Variants in DACT2 observed in about 807,000 individuals in gnomAD.
DACT2 encodes the protein dishevelled binding antagonist of beta catenin 2.
DACT2 carries 20 observed loss-of-function variants against 22.2 expected under a neutral mutation model. The observed-to-expected ratio is 0.90, with a 90% confidence interval of 0.63 to 1.31. The LOEUF is 1.31. DACT2 is among the 50% of genes most tolerant of loss of function. The pLI, the probability that DACT2 is intolerant of heterozygous loss-of-function variation, is 0.00. For missense variants in DACT2, 1,048 were observed against 1,061.4 expected (o/e 0.99, Z 0.18); for synonymous variants, 463 against 479.8 (o/e 0.96, Z 0.46).
At chr6:168,315,283 C>G (rs1305432223) in intron 1 of DACT2, among the ~76,000 whole-genome samples, 1 of 152,196 alleles carries the variant, frequency 6.6e-6, no homozygotes, top group Non-Finnish European at 1.5e-5. Context: ...GGTTTTCAGT[C>G]TACTCATGGG....
chr6:168,307,616 T>C lies in DACT2; in HGVS notation c.2141A>G (p.Asp714Gly). ...GGCCGCCACATAGCCCAGTGCCAGG[T>C]CACAGTCCCTGCTCTGGGCGCCGCC... ...EEGGAQSRDC[D>G]LALGYVAAGH... The change falls in exon 4 of 4, where the codon GAC (aspartate) becomes GGC (glycine). Residue 714 changes from aspartate (D) to glycine (G), a missense_variant. Physicochemically the swap from Asp to Gly is moderately conservative, Grantham distance 94. Coordinates refer to ENST00000366795, the MANE Select transcript of DACT2 (RefSeq NM_214462.5). This position sits in a 1 kb window ranked among gnomAD's most constrained non-coding sequence, Gnocchi z 5.3. 1 of 1,548,186 alleles carries C rather than the reference T, an allele frequency of 6.5e-7. No homozygotes were observed. The highest frequency in any genetic ancestry group is 1.2e-5 in the South Asian group (1 of 83,758).
rs1779321755 is a variant in DACT2 at position 168,309,116 on chromosome 6, G to A, written c.659-18C>T. On this transcript the variant is annotated intron_variant, in intron 3 of 3. Transcript: ENST00000366795. Reference sequence around the variant, plus strand: ...AAGATCACCTGGGAGCGAGAAAAATGAACAAACACGTAACTACGGAGACGA... The same window carrying A: ...AAGATCACCTGGGAGCGAGAAAAATAAACAAACACGTAACTACGGAGACGA... The A allele has an allele frequency of 6.7e-7, 1 of 1,497,574 alleles. No homozygotes were observed. The highest frequency in any genetic ancestry group is 8.9e-7 in the Non-Finnish European group (1 of 1,125,450). 92.8% of individuals were successfully genotyped at this position (1,497,574 alleles called of 1,614,324 possible). A position where few individuals can be genotyped will look rare whatever the true frequency, so the allele number is the denominator to read the frequency against.
rs1485916074 is a variant in DACT2, at chr6:168,308,599, C to T, written c.1158G>A (p.Arg386=). ...TCTGAGCTGGCCCTCCCTCGTCCTC[C>T]CTCCCTGGGGCGAAGACCAGCAGTC... ...GGRLLVFAPG[R]EDEGGPAQSR... Residue 386 remains arginine (R), a synonymous_variant, in exon 4 of 4, where the codon AGG becomes AGA. Coordinates refer to ENST00000366795, the MANE Select transcript of DACT2 (RefSeq NM_214462.5). The T allele has an allele frequency of 1.7e-5, 26 of 1,546,404 alleles. No homozygotes were observed. Among genetic ancestry groups the T allele is most frequent in the Non-Finnish European group, 2.2e-5 (25 of 1,146,952 alleles).
At chr6:168,304,890 G>A (rs908408179), downstream of DACT2, among the ~76,000 whole-genome samples, 1 of 152,190 alleles carries the variant, frequency 6.6e-6, no homozygotes, top group African/African-American at 2.4e-5. Flanking sequence ...CGGGGCAGGA[G>A]GGCTAGGGAA....
intron 1 of DACT2, among the ~76,000 whole-genome samples, chr6:168,313,860 C>A (rs1340991155): frequency 6.6e-6 from 1 of 152,088 alleles, no homozygotes; most frequent in Admixed American, 6.5e-5. Flanking sequence ...GCCAGCCAGG[C>A]CTTCAGTTGC....
chr6:168,303,374 C>T (rs1779144715), downstream of DACT2, among the ~76,000 whole-genome samples: 1 of 152,170 alleles, frequency 6.6e-6, no homozygotes. Flanking sequence ...GCAGAACCCT[C>T]ATGAATAGAC....
intron 2 of DACT2, among the ~76,000 whole-genome samples, chr6:168,310,804 C>T (rs1779377596): frequency 6.6e-6 from 1 of 152,166 alleles, no homozygotes; most frequent in Non-Finnish European, 1.5e-5. Flanking sequence ...GCCTCTGGCC[C>T]CTGTCTCTCT....
At chr6:168,300,094 T>C (rs1051573614) in intron 3 of DACT2, 3 of 152,216 alleles carry the variant, frequency 2.0e-5, no homozygotes, top group Admixed American at 6.6e-5. Flanking sequence ...AGGAGTGTTG[T>C]CCTAAGGCCA....
rs1165049848 is a variant in DACT2 at position 168,307,871 on chromosome 6, A to C, written c.1886T>G (p.Leu629Arg). ...CCTGGCCACGGGCCTGGGGGGCCCC[A>C]GGTTAGACTCAGGACAGCTGGCCAG... ...ARLASCPESN[L>R]GPPRPVARRA... The change falls in exon 4 of 4, where the codon CTG (leucine) becomes CGG (arginine). Residue 629 changes from leucine to arginine, a missense_variant. By Grantham distance (102) the Leu-to-Arg change is moderately radical. Transcript: ENST00000366795. The surrounding 1 kb of genome is among the most constrained non-coding windows in gnomAD (Gnocchi z 5.3). 1 of 1,539,308 alleles carries C rather than the reference A, an allele frequency of 6.5e-7. No individual in the cohort carries two copies. The highest frequency in any genetic ancestry group is 8.7e-7 in the Non-Finnish European group (1 of 1,146,112).
downstream of DACT2, among the ~76,000 whole-genome samples, chr6:168,305,213 T>C (rs910572658): frequency 1.6e-4 from 24 of 152,190 alleles, no homozygotes; most frequent in African/African-American, 5.5e-4. Flanking sequence ...AACGGCTGCA[T>C]TTTGTCTGGA....
In DACT2 at chr6:168,308,815, C is replaced by CA. The variant is rs1562496275; in HGVS notation, c.941dup (p.Asn315GlufsTer36). On this transcript the variant is annotated frameshift_variant, in exon 4 of 4. Coordinates refer to ENST00000366795, the MANE Select transcript of DACT2 (RefSeq NM_214462.5). LOFTEE classifies it low-confidence loss of function (END_TRUNC). The stretch of plus-strand genomic sequence containing the variant: ...GGACCGGCCCAGTCTGGATGGTGTT[C>CA]AGACCTGCGGGGCCCCTGGGGCTCT... 1 of 1,551,434 alleles carries CA rather than the reference C, an allele frequency of 6.4e-7. No homozygotes were observed. Among genetic ancestry groups the CA allele is most frequent in the Non-Finnish European group, 8.7e-7 (1 of 1,146,994 alleles).
chr6:168,295,754 A>G (rs1216286012), intron 3 of DACT2, among the ~76,000 whole-genome samples: 1 of 152,250 alleles, frequency 6.6e-6, no homozygotes. Flanking sequence ...ACAGGTATAA[A>G]GAACCCAAAT....
chr6:168,316,239 C>A (rs1045207336), intron 1 of DACT2, among the ~76,000 whole-genome samples: 10 of 152,078 alleles, frequency 6.6e-5, no homozygotes, highest in African/African-American at 2.4e-4. Flanking sequence ...CAGTTGAAGC[C>A]AGCATCTCGG....
chr6:168,304,233 G>T (rs1364651304), downstream of DACT2, among the ~76,000 whole-genome samples: 1 of 152,148 alleles, frequency 6.6e-6, no homozygotes, highest in African/African-American at 2.4e-5. Context: ...GCTTCTGTGT[G>T]AGTGGTTACA....
At position 168,308,047 on chromosome 6, in the gene DACT2, A is replaced by G; in HGVS notation, c.1710T>C (p.Pro570=). ...SCSESTLYPM[P]VLVPLAVAPQ... ...GGGCCACTGCCAAGGGGACGAGGACAGGCATGGGGTAGAGGGTGGACTCAG... is the reference window on the plus strand; with the variant it reads ...GGGCCACTGCCAAGGGGACGAGGACGGGCATGGGGTAGAGGGTGGACTCAG... The change falls in exon 4 of 4, where the codon CCT becomes CCC. Residue 570 remains proline, a synonymous_variant. Transcript: ENST00000366795. 1 of 1,548,768 alleles carries G rather than the reference A, an allele frequency of 6.5e-7. No homozygotes were observed. The highest frequency in any genetic ancestry group is 1.2e-5 in the South Asian group (1 of 83,682).
At chr6:168,301,274 TC>T (rs1779099383) in intron 3 of DACT2, among the ~76,000 whole-genome samples, 1 of 152,196 alleles carries the variant, frequency 6.6e-6, no homozygotes, top group Non-Finnish European at 1.5e-5. Context: ...AACTTCAGCC[TC>T]CCAGAGAACG....
In DACT2 at chr6:168,310,365, G is replaced by A. The variant is rs968746812; in HGVS notation, c.461C>T (p.Ser154Leu). 17 of 1,551,560 alleles carry A rather than the reference G, an allele frequency of 1.1e-5. No individual in the cohort carries two copies. The highest frequency in any genetic ancestry group is 8.2e-5 in the African/African-American group (6 of 73,064). Residue 154 changes from serine to leucine, a missense_variant, in exon 3 of 4, where the codon TCG becomes TTG. Transcript: ENST00000366795. ...GGCCACAGGCAACAAACTGCCCAGC[G>A]AGGGAGAGATGTGGTCACTGCAGAC... ...ASVCSDHISP[S>L]LGSLLPVAQA...
intron 2 of DACT2, 65 bp from the exon 3 acceptor site, chr6:168,310,511 C>A: frequency 6.6e-7 from 1 of 1,515,168 alleles, no homozygotes; most frequent in South Asian, 1.3e-5. Flanking sequence ...CCCCTCTCCT[C>A]CTGAGCTTGT....
At chr6:168,292,964 C>T (rs1457172569) in exon 6 of DACT2, 1 of 152,078 alleles carries the variant, frequency 6.6e-6, no homozygotes, top group Non-Finnish European at 1.5e-5. Flanking sequence ...CCAATTTCTT[C>T]TATGAACATA....
Sources: gnomAD v4.1 joint callset for allele counts (sites outside exome capture counted in the v4.1 genomes callset) on GRCh38, gnomAD v4.1.1 for gene constraint, Gnocchi (gnomAD v3.1) non-coding constraint, MANE v1.5 for transcripts, NCBI Gene and HGNC (gene_info 2026-07-23, HGNC 2026-07-21) for gene names.